Variants in USH2A observed in about 807,000 individuals in gnomAD.
USH2A encodes the protein usherin.
Under a neutral mutation model 538.9 loss-of-function variants are expected in USH2A, and 443 were observed. That is an observed-to-expected ratio of 0.82 (90% CI 0.76 to 0.89). The LOEUF is 0.89. Ranked by LOEUF, USH2A falls within the 40% of genes least tolerant of loss-of-function variation. The pLI is 0.00. For missense variants in USH2A, 6,633 were observed against 6,324.8 expected (o/e 1.05, Z -1.65); for synonymous variants, 2,413 against 2,273.5 (o/e 1.06, Z -1.75).
chr1:215,690,922 C>T (rs187018380), intron 61 of USH2A, among the ~76,000 whole-genome samples: 1 of 152,222 alleles, frequency 6.6e-6, no homozygotes, highest in Admixed American at 6.5e-5. Context: ...TGGAATCTCG[C>T]TCTGTCACTG....
intron 60 of USH2A, 50 bp from the exon 61 acceptor site, chr1:215,728,434 A>C: frequency 6.3e-7 from 1 of 1,574,976 alleles, no homozygotes; most frequent in Admixed American, 1.7e-5. Flanking sequence ...ACTTCAAAAC[A>C]AAGTTTGTAG....
rs551720129 is a variant in USH2A at position 216,242,634 on chromosome 1, C to T, written c.2809+3951G>A. On this transcript the variant is annotated intron_variant, in intron 13 of 71. Coordinates refer to ENST00000307340, the MANE Select transcript of USH2A (RefSeq NM_206933.4). ...TCACTTCACCATTCCTCCTTTTAAA[C>T]CACTTACTGTTTCCATTGCAATAAA... Among the ~76,000 whole-genome samples the T allele has an allele frequency of 2.6e-5, 4 of 152,222 alleles. No homozygotes were observed. The East Asian group carries it at 5.8e-4, about 22-fold the overall frequency.
chr1:216,025,423 T>A (rs1382146578), intron 32 of USH2A, among the ~76,000 whole-genome samples: 1 of 150,124 alleles, frequency 6.7e-6, no homozygotes, highest in Non-Finnish European at 1.5e-5. Flanking sequence ...TCTCTGATAG[T>A]CTCCTTAAAT....
chr1:215,737,094 A>G (rs1660175926), intron 60 of USH2A, among the ~76,000 whole-genome samples: 2 of 151,958 alleles, frequency 1.3e-5, no homozygotes, highest in African/African-American at 4.8e-5. Flanking sequence ...ATAATATATG[A>G]TACACATCCA....
rs111033386 is a variant in USH2A at position 216,046,532 on chromosome 1, C to A, written c.6224G>T (p.Trp2075Leu). The A allele has an allele frequency of 1.2e-6, 2 of 1,613,686 alleles. No homozygotes were observed. Among genetic ancestry groups the A allele is most frequent in the Non-Finnish European group, 1.7e-6 (2 of 1,179,812 alleles). ...KSLPSSLLLS[W>L]NPPKKANGII... ...ACCATTTGCCTTTTTGGGTGGGTTCCAGGAGAGCAGCAAAGAACTGGGAAG... is the reference window on the plus strand; with the variant it reads ...ACCATTTGCCTTTTTGGGTGGGTTCAAGGAGAGCAGCAAAGAACTGGGAAG... The change falls in exon 32 of 72, where the codon TGG becomes TTG. Residue 2075 changes from tryptophan to leucine, a missense_variant. Trp to Leu is a moderately conservative substitution (Grantham distance 61, BLOSUM62 -2). Transcript: ENST00000307340.
chr1:216,328,000 A>T (rs1456174618), intron 4 of USH2A, among the ~76,000 whole-genome samples: 1 of 152,106 alleles, frequency 6.6e-6, no homozygotes, highest in African/African-American at 2.4e-5. Context: ...CCTAAATTTG[A>T]TTGTCATCTG....
At chr1:215,895,370 A>G (rs183271294) in intron 40 of USH2A, among the ~76,000 whole-genome samples, 1 of 152,354 alleles carries the variant, frequency 6.6e-6, no homozygotes, top group African/African-American at 2.4e-5. Flanking sequence ...ATGATTCACT[A>G]GTAAACACAA....
intron 4 of USH2A, among the ~76,000 whole-genome samples, chr1:216,341,088 A>T (rs2038067976): frequency 6.6e-6 from 1 of 152,266 alleles, no homozygotes; most frequent in South Asian, 2.1e-4. Context: ...TTCTATATTT[A>T]GAAAACGCCA....
Position 215,625,487 on chromosome 1 carries a change from G to T in USH2A, c.*294C>A. The stretch of plus-strand genomic sequence containing the variant: ...TGCCACTGATTATTCAGTTAACCAG[G>T]AGCATCACTGCCAAACAGAACCAAG... On this transcript the variant is annotated 3_prime_UTR_variant, in exon 72 of 72. Coordinates refer to ENST00000307340, the MANE Select transcript of USH2A (RefSeq NM_206933.4). The T allele has an allele frequency of 2.3e-6, 1 of 425,810 alleles. No individual in the cohort carries two copies. 26.4% of individuals were successfully genotyped at this position (425,810 alleles called of 1,614,324 possible).
intron 3 of USH2A, among the ~76,000 whole-genome samples, chr1:216,387,774 G>C (rs1424905072): frequency 6.6e-6 from 1 of 152,106 alleles, no homozygotes; most frequent in Non-Finnish European, 1.5e-5. Context: ...TGTGCCACCA[G>C]AGACAGAAAT....
At chr1:215,639,340 T>A in intron 68 of USH2A, 102 bp from the exon 69 acceptor site, 1 of 1,111,544 alleles carries the variant, frequency 9.0e-7, no homozygotes, top group Non-Finnish European at 1.4e-6. Flanking sequence ...AAAAATAGGA[T>A]TCCAAAGCAA....
intron 18 of USH2A, among the ~76,000 whole-genome samples, chr1:216,197,722 A>G (rs1364744013): frequency 1.3e-5 from 2 of 152,200 alleles, no homozygotes; most frequent in African/African-American, 4.8e-5. Flanking sequence ...TATAAAAAAT[A>G]AAGTGGAGGA....
At chr1:215,974,262 T>C (rs775960496) in intron 35 of USH2A, among the ~76,000 whole-genome samples, 1 of 152,134 alleles carries the variant, frequency 6.6e-6, no homozygotes, top group Non-Finnish European at 1.5e-5. Context: ...AACTAACAAA[T>C]ATAATGTAGT....
intron 61 of USH2A, among the ~76,000 whole-genome samples, chr1:215,689,956 T>G: frequency 6.6e-6 from 1 of 152,336 alleles, no homozygotes; most frequent in Non-Finnish European, 1.5e-5. Flanking sequence ...TTTGTTGTAC[T>G]TTGTTATATA....
At chr1:216,035,541 A>C (rs12095078) in intron 32 of USH2A, among the ~76,000 whole-genome samples, 2,647 of 152,246 alleles carry the variant, frequency 0.017, 76 homozygotes, top group African/African-American at 0.06. Context: ...TCTGTTGTTT[A>C]AGCCATCTAG....
intron 21 of USH2A, among the ~76,000 whole-genome samples, chr1:216,115,128 T>C (rs1019952651): frequency 1.8e-4 from 27 of 151,460 alleles, no homozygotes; most frequent in African/African-American, 6.1e-4. Context: ...TTTTGTTTTG[T>C]TTTGTTTTGT....
At chr1:216,374,512 A>T (rs546509437) in intron 3 of USH2A, among the ~76,000 whole-genome samples, 43 of 152,260 alleles carry the variant, frequency 2.8e-4, no homozygotes, top group African/African-American at 9.9e-4. Flanking sequence ...ATTTGCATTA[A>T]TATATCTGCC....
At chr1:215,914,221 T>C (rs1011509506) in intron 38 of USH2A, among the ~76,000 whole-genome samples, 13 of 151,720 alleles carry the variant, frequency 8.6e-5, no homozygotes, top group African/African-American at 3.1e-4. Flanking sequence ...ACTTTTTTTT[T>C]CTGAGATTCA....
chr1:215,766,790 T>C lies in USH2A; in HGVS notation c.10940-2A>G, dbSNP rs1209858435. 1.2e-6 allele frequency: 2 copies of C among 1,612,984 alleles called. No individual in the cohort carries two copies. Among genetic ancestry groups the C allele is most frequent in the Non-Finnish European group, 8.5e-7 (1 of 1,179,108 alleles). On this transcript the variant is annotated splice_acceptor_variant, in intron 55 of 71. Coordinates refer to ENST00000307340, the MANE Select transcript of USH2A (RefSeq NM_206933.4). LOFTEE classifies it high-confidence loss of function. Reference sequence around the variant, plus strand: ...TGTAGTTGGTGTATGGCTGGAGACCTAGAAAAAGCAAGCAAGAAATAAAGT... The same window carrying C: ...TGTAGTTGGTGTATGGCTGGAGACCCAGAAAAAGCAAGCAAGAAATAAAGT...
Sources: gnomAD v4.1 joint callset for allele counts (sites outside exome capture counted in the v4.1 genomes callset) on GRCh38, gnomAD v4.1.1 for gene constraint, MANE v1.5 for transcripts, NCBI Gene and HGNC (gene_info 2026-07-23, HGNC 2026-07-21) for gene names.